PHACTR1: variants seen among roughly 807,000 people sequenced by gnomAD.
The protein encoded by PHACTR1 is phosphatase and actin regulator 1.
In PHACTR1, 16 loss-of-function variants were observed where a neutral mutation model predicts 69.2. The ratio of observed to expected loss-of-function variants is 0.23; its 90% CI spans 0.16 to 0.35. PHACTR1 has a LOEUF of 0.35. PHACTR1 is among the 10% of genes least tolerant of loss of function. The pLI is 1.00. For missense variants in PHACTR1, 510 were observed against 734.7 expected (o/e 0.69, Z 3.54); for synonymous variants, 312 against 284.5 (o/e 1.10, Z -0.97).
chr6:13,242,848 G>T (rs1192026974), intron 10 of PHACTR1, among the ~76,000 whole-genome samples: 1 of 152,114 alleles, frequency 6.6e-6, no homozygotes, highest in African/African-American at 2.4e-5. Context: ...TCAGCCAGTT[G>T]ATTCAGTTGG....
chr6:12,756,855 T>A (rs933196819), intron 4 of PHACTR1, among the ~76,000 whole-genome samples: 1 of 152,232 alleles, frequency 6.6e-6, no homozygotes, highest in Non-Finnish European at 1.5e-5. Flanking sequence ...TATTAAATCA[T>A]GGTTTAATCA....
chr6:12,771,687 C>G (rs901883738), intron 4 of PHACTR1, among the ~76,000 whole-genome samples: 63 of 152,164 alleles, frequency 4.1e-4, no homozygotes, highest in African/African-American at 1.4e-3. Context: ...AAAATACCAC[C>G]CTTTCCTATA....
intron 5 of PHACTR1, among the ~76,000 whole-genome samples, chr6:13,080,201 C>A (rs764604405): frequency 6.6e-6 from 1 of 152,102 alleles, no homozygotes; most frequent in Non-Finnish European, 1.5e-5. Context: ...TGACCCCCAC[C>A]CAGCACAACT....
intron 8 of PHACTR1, among the ~76,000 whole-genome samples, chr6:13,209,910 T>C (rs1208872066): frequency 1.3e-5 from 2 of 152,242 alleles, no homozygotes; most frequent in African/African-American, 4.8e-5. Context: ...TACCATTCCC[T>C]TCATTTAAGG....
At chr6:13,200,523 G>C (rs1431619225) in intron 7 of PHACTR1, among the ~76,000 whole-genome samples, 1 of 152,216 alleles carries the variant, frequency 6.6e-6, no homozygotes, top group African/African-American at 2.4e-5. Flanking sequence ...GGAACATGAA[G>C]TTGCATCAGG....
intron 5 of PHACTR1, among the ~76,000 whole-genome samples, chr6:13,147,474 C>T (rs1015048801): frequency 2.0e-5 from 3 of 152,210 alleles, no homozygotes; most frequent in African/African-American, 7.2e-5. Context: ...TAAAATTACT[C>T]ACCTCTAAAA....
intron 5 of PHACTR1, among the ~76,000 whole-genome samples, chr6:13,134,419 A>T (rs998034007): frequency 1.3e-5 from 2 of 152,182 alleles, no homozygotes; most frequent in African/African-American, 2.4e-5. Flanking sequence ...AGAAGTAGAC[A>T]TGGGAGACTC....
intron 5 of PHACTR1, among the ~76,000 whole-genome samples, chr6:13,062,437 T>G (rs1807815064): frequency 6.6e-6 from 1 of 152,206 alleles, no homozygotes; most frequent in South Asian, 2.1e-4. Context: ...TTCCATCAAT[T>G]CACCCAGAGT....
intron 3 of PHACTR1, 166 bp from the exon 4 acceptor site, chr6:12,749,478 T>C: frequency 1.5e-6 from 1 of 673,206 alleles, no homozygotes. Flanking sequence ...TTTCTTTCTC[T>C]CTCCCTTTTT....
At chr6:12,977,606 A>C (rs936029526) in intron 4 of PHACTR1, among the ~76,000 whole-genome samples, 3 of 152,246 alleles carry the variant, frequency 2.0e-5, no homozygotes, top group African/African-American at 7.2e-5. Flanking sequence ...GAATCATTTG[A>C]TTAGCAATGA....
chr6:13,109,318 G>A (rs1254657869), intron 5 of PHACTR1, among the ~76,000 whole-genome samples: 1 of 151,820 alleles, frequency 6.6e-6, no homozygotes, highest in Non-Finnish European at 1.5e-5. Flanking sequence ...ATGTCTTATA[G>A]TGCAGGCCTA....
chr6:13,122,190 G>A lies in PHACTR1; in HGVS notation c.416-38014G>A, dbSNP rs78727876. Among the ~76,000 whole-genome samples the A allele has an allele frequency of 2.9e-3, 440 of 152,262 alleles. 4 individuals carry two copies. Among genetic ancestry groups the A allele is most frequent in the African/African-American group, 0.01 (417 of 41,556 alleles). ...GGCAATCCAATGAGGATTGAAATAA[G>A]TGTTTTAAGAAAACATTTTTAAGAG... is the stretch of plus-strand genomic sequence containing the variant. On this transcript the variant is annotated intron_variant, in intron 5 of 14. Transcript: ENST00000332995.
rs192887564 is a variant in PHACTR1 at position 12,744,734 on chromosome 6, T to A, written c.104-4910T>A. On this transcript the variant is annotated intron_variant, in intron 3 of 14. Transcript: ENST00000332995. The stretch of plus-strand genomic sequence containing the variant: ...CATAGGCAGAGCAGCAAAAAAATGA[T>A]GTTTTATGCTGATATTGTATCCAGT... Among the ~76,000 whole-genome samples the A allele has an allele frequency of 2.7e-4, 41 of 152,320 alleles. 1 individual carries two copies. Among genetic ancestry groups the A allele is most frequent in the African/African-American group, 9.6e-4 (40 of 41,580 alleles).
At chr6:12,771,574 C>T (rs1368894763) in intron 4 of PHACTR1, among the ~76,000 whole-genome samples, 3 of 152,182 alleles carry the variant, frequency 2.0e-5, no homozygotes, top group African/African-American at 7.2e-5. Flanking sequence ...GTGTGCATCC[C>T]TTCAAAGTCT....
chr6:13,107,027 T>C (rs1816264134), intron 5 of PHACTR1, among the ~76,000 whole-genome samples: 2 of 152,200 alleles, frequency 1.3e-5, no homozygotes. Flanking sequence ...GTAATGTCTT[T>C]GTTAGGTTTT....
chr6:13,188,493 T>C (rs141633372), intron 7 of PHACTR1, among the ~76,000 whole-genome samples: 54 of 152,290 alleles, frequency 3.5e-4, no homozygotes, highest in Non-Finnish European at 5.4e-4. Context: ...CACAGGACAA[T>C]TGAAAGACAC....
intron 7 of PHACTR1, among the ~76,000 whole-genome samples, chr6:13,193,743 C>T (rs1278808003): frequency 6.6e-6 from 1 of 152,004 alleles, no homozygotes; most frequent in Non-Finnish European, 1.5e-5. Context: ...CGTCTATCTC[C>T]TGTTTTGCAT....
At chr6:12,853,554 T>C (rs925754899) in intron 4 of PHACTR1, among the ~76,000 whole-genome samples, 2 of 152,208 alleles carry the variant, frequency 1.3e-5, no homozygotes, top group African/African-American at 4.8e-5. Context: ...AATAAAGACA[T>C]ACCCAAGACT....
At chr6:12,971,216 T>C (rs994204371) in intron 4 of PHACTR1, among the ~76,000 whole-genome samples, 8 of 152,192 alleles carry the variant, frequency 5.3e-5, no homozygotes, top group Non-Finnish European at 1.2e-4. Context: ...TCTTGTTTGT[T>C]TCTTCTCTGA....
Sources: allele counts gnomAD v4.1 joint callset (sites outside exome capture counted in the v4.1 genomes callset), GRCh38; gene constraint gnomAD v4.1.1; transcripts MANE v1.5; gene names NCBI Gene and HGNC (gene_info 2026-07-23, HGNC 2026-07-21).